INPP5D: variants seen among roughly 807,000 people sequenced by gnomAD.
INPP5D encodes phosphatidylinositol 3,4,5-trisphosphate 5-phosphatase 1.
Under a neutral mutation model 122.9 loss-of-function variants are expected in INPP5D, and 33 were observed. That is an observed-to-expected ratio of 0.27 (90% CI 0.20 to 0.36). The LOEUF (loss-of-function observed/expected upper bound fraction) is 0.36, where lower values mean the gene tolerates loss of function less well. Ranked by LOEUF, INPP5D falls within the 10% of genes least tolerant of loss-of-function variation. The pLI is 1.00. For synonymous variants in INPP5D, 584 were observed against 576.2 expected, an observed-to-expected ratio of 1.01 and a Z score of -0.19; for missense variants, 1,053 against 1,412.7, an observed-to-expected ratio of 0.75 and a Z score of 4.08.
rs6715810 is a variant in INPP5D at position 233,164,597 on chromosome 2, C to T, written c.1555+173C>T. ...GTGATTGGTCTCCCTGGCTGAAACT[C>T]ACTCAGGGTCTACACCAGCAGTCCC... On this transcript the variant is annotated intron_variant, in intron 13 of 26. Transcript: ENST00000445964. This position sits in a 1 kb window ranked among gnomAD's most constrained non-coding sequence, Gnocchi z 4.3. Among the ~76,000 whole-genome samples, 27,317 of 152,102 alleles carry T rather than the reference C, an allele frequency of 0.18. 2,814 individuals are homozygous for T. Among genetic ancestry groups the T allele is most frequent in the South Asian group, 0.33 (1,580 of 4,818 alleles).
chr2:233,072,349 T>C (rs1459607405), intron 1 of INPP5D, among the ~76,000 whole-genome samples: 1 of 152,238 alleles, frequency 6.6e-6, no homozygotes, highest in Non-Finnish European at 1.5e-5. Flanking sequence ...GGTTTATATA[T>C]GTGAAACCAT....
chr2:233,101,764 T>C (rs142705980), intron 2 of INPP5D, among the ~76,000 whole-genome samples: 139 of 146,544 alleles, frequency 9.5e-4, no homozygotes, highest in Non-Finnish European at 1.6e-3. Flanking sequence ...TTATATTTAT[T>C]TATATTATAT....
In INPP5D at chr2:233,125,806, C is replaced by T. The variant is rs1267685856; in HGVS notation, c.411C>T (p.Ser137=). 2 of 1,613,968 alleles carry T rather than the reference C, an allele frequency of 1.2e-6. No homozygotes were observed. Among genetic ancestry groups the T allele is most frequent in the African/African-American group, 2.7e-5 (2 of 75,054 alleles). The change falls in exon 4 of 27, where the codon TCC becomes TCT. Residue 137 remains serine, a synonymous_variant. Coordinates refer to ENST00000445964, the MANE Select transcript of INPP5D (RefSeq NM_001017915.3). ...GAAACATCCCGCTGACTGCCAGCTC[C>T]TGTGAGGCCAAGGAGGTTCCTTTTT... is the stretch of plus-strand genomic sequence containing the variant. The part of the protein sequence containing the change: ...PPRNIPLTAS[S]CEAKEVPFSN...
chr2:233,121,592 T>C (rs1026896138), intron 2 of INPP5D, among the ~76,000 whole-genome samples: 11 of 151,856 alleles, frequency 7.2e-5, no homozygotes, highest in African/African-American at 2.7e-4. Context: ...CTCGGCTCAC[T>C]GCAACCTCTG....
rs994652076 is a variant in INPP5D at position 233,142,627 on chromosome 2, G to C, written c.753+2698G>C. On this transcript the variant is annotated intron_variant, in intron 6 of 26. Transcript: ENST00000445964. ...TATCAAAATGCTGGCTGGCCTGGGG[G>C]ATGGGGGAGACCTGGGTCCACCCTG... 7.5e-4 allele frequency among the ~76,000 whole-genome samples: 114 copies of C among 152,318 alleles called. 1 individual carries two copies. The East Asian group carries it at 0.02, about 27-fold the overall frequency.
At chr2:233,064,466 C>T (rs1344203079) in intron 1 of INPP5D, among the ~76,000 whole-genome samples, 1 of 152,254 alleles carries the variant, frequency 6.6e-6, no homozygotes, top group East Asian at 1.9e-4. Flanking sequence ...TGTTACCAAC[C>T]TGCTCCGCCT....
intron 5 of INPP5D, among the ~76,000 whole-genome samples, chr2:233,138,323 AAG>A (rs1491309075): frequency 1.3e-5 from 2 of 150,252 alleles, no homozygotes; most frequent in African/African-American, 4.9e-5. Flanking sequence ...AAAAAAAAAA[AAG>A]CAAAGCAATA....
chr2:233,138,585 T>G, intron 5 of INPP5D, among the ~76,000 whole-genome samples: 1 of 152,104 alleles, frequency 6.6e-6, no homozygotes, highest in Non-Finnish European at 1.5e-5. Flanking sequence ...TTGGAGCTAT[T>G]GGGTAATCAG....
At chr2:233,186,680 C>T (rs1463331832) in intron 21 of INPP5D, among the ~76,000 whole-genome samples, 4 of 27,536 alleles carry the variant, frequency 1.5e-4, no homozygotes, top group African/African-American at 2.1e-4. Flanking sequence ...TTCTTTTTCT[C>T]TTTCTTTTTT....
Position 233,170,397 on chromosome 2 carries a change from C to A in INPP5D, c.1792-99C>A. 6.5e-7 allele frequency: 1 copy of A among 1,547,856 alleles called. No individual in the cohort carries two copies. On this transcript the variant is annotated intron_variant, in intron 15 of 26. Coordinates refer to ENST00000445964, the MANE Select transcript of INPP5D (RefSeq NM_001017915.3). The surrounding 1 kb of genome is among the most constrained non-coding windows in gnomAD (Gnocchi z 4.5). ...CAGCCACCCTGCCACCATCACTCTG[C>A]AGCCCGGGTCATCCAGCTGCCCGCC... is the stretch of plus-strand genomic sequence containing the variant.
intron 1 of INPP5D, among the ~76,000 whole-genome samples, chr2:233,064,686 G>C (rs920871361): frequency 2.0e-5 from 3 of 152,176 alleles, no homozygotes; most frequent in African/African-American, 7.2e-5. Flanking sequence ...TGATCTTCCT[G>C]GAAGCGAGAA....
intron 2 of INPP5D, among the ~76,000 whole-genome samples, chr2:233,101,579 CATT>C (rs1348458785): frequency 1.4e-5 from 2 of 145,052 alleles, no homozygotes; most frequent in South Asian, 2.1e-4. Flanking sequence ...TGTCATATAA[CATT>C]ATTAAAATCA....
rs1453576852 is a variant in INPP5D at position 233,164,730 on chromosome 2, G to A, written c.1555+306G>A. On this transcript the variant is annotated intron_variant, in intron 13 of 26. Coordinates refer to ENST00000445964, the MANE Select transcript of INPP5D (RefSeq NM_001017915.3). This position sits in a 1 kb window ranked among gnomAD's most constrained non-coding sequence, Gnocchi z 4.3. ...CGACTTGAGCGCTGCTGGTCGGCCCGTGGGACCCATTTTAAGAAGCAAGAA... is the reference window on the plus strand; with the variant it reads ...CGACTTGAGCGCTGCTGGTCGGCCCATGGGACCCATTTTAAGAAGCAAGAA... 6.6e-6 allele frequency among the ~76,000 whole-genome samples: 1 copy of A among 152,090 alleles called. No individual in the cohort carries two copies. The highest frequency in any genetic ancestry group is 1.5e-5 in the Non-Finnish European group (1 of 68,038).
chr2:233,201,642 C>T (rs954091031), intron 25 of INPP5D, among the ~76,000 whole-genome samples: 2 of 152,232 alleles, frequency 1.3e-5, no homozygotes, highest in African/African-American at 2.4e-5. Context: ...CTGACCTTCC[C>T]GGTTTGCCAA....
intron 10 of INPP5D, among the ~76,000 whole-genome samples, chr2:233,159,094 G>A (rs1253838480): frequency 6.6e-6 from 1 of 152,076 alleles, no homozygotes; most frequent in Admixed American, 6.5e-5. Flanking sequence ...TCTGAGTCTC[G>A]ACTGGAGCTC....
intron 9 of INPP5D, among the ~76,000 whole-genome samples, chr2:233,157,050 G>A (rs145477361): frequency 1.5e-3 from 224 of 152,304 alleles, no homozygotes; most frequent in African/African-American, 5.2e-3. Flanking sequence ...TCCAGAGTCC[G>A]GAGGAGAATT....
At chr2:233,195,299 T>C (rs1392152509) in intron 23 of INPP5D, 100 bp from the exon 24 acceptor site, 8 of 1,574,690 alleles carry the variant, frequency 5.1e-6, no homozygotes, top group Non-Finnish European at 6.1e-6. Context: ...CACTATTCAC[T>C]GTGCAGCTTC....
intron 2 of INPP5D, among the ~76,000 whole-genome samples, chr2:233,098,623 G>A (rs930563179): frequency 9.2e-5 from 14 of 152,166 alleles, no homozygotes; most frequent in Non-Finnish European, 1.8e-4. Context: ...TCTCTCTTGA[G>A]GTTTCTTCAG....
At position 233,204,162 on chromosome 2, in the gene INPP5D, G is replaced by A. The variant is rs781587325; in HGVS notation, c.3012G>A (p.Leu1004=). The change falls in exon 26 of 27, where the codon CTG becomes CTA. Residue 1004 remains leucine (L), a synonymous_variant. Coordinates refer to ENST00000445964, the MANE Select transcript of INPP5D (RefSeq NM_001017915.3). ...SDLGKNAGDT[L]PQEDLPLTKP... ...TGGGGAAGAACGCAGGGGACACGCT[G>A]CCTCAGGAGGACCTGCCGCTGACGA... is the stretch of plus-strand genomic sequence containing the variant. 7 of 1,591,550 alleles carry A rather than the reference G, an allele frequency of 4.4e-6. No individual in the cohort carries two copies.
Sources: allele counts gnomAD v4.1 joint callset (sites outside exome capture counted in the v4.1 genomes callset), GRCh38; gene constraint gnomAD v4.1.1; non-coding constraint Gnocchi (gnomAD v3.1); transcripts MANE v1.5; gene names NCBI Gene and HGNC (gene_info 2026-07-23, HGNC 2026-07-21).